The following ADHFE1 variants were observed in gnomAD, a reference collection of about 807,000 sequenced individuals.
ADHFE1 encodes the protein alcohol dehydrogenase iron containing 1.
In ADHFE1, 37 loss-of-function variants were observed where a neutral mutation model predicts 54.8. The observed-to-expected ratio is 0.68, with a 90% CI of 0.52 to 0.89. The LOEUF (loss-of-function observed/expected upper bound fraction) is 0.89. ADHFE1 is among the 40% of genes least tolerant of loss of function. The pLI, the probability that ADHFE1 is intolerant of heterozygous loss-of-function variation, is 0.00. For missense variants in ADHFE1, 601 were observed against 591.2 expected (o/e 1.02, Z -0.17); for synonymous variants, 203 against 229.3 (o/e 0.89, Z 1.04).
intron 13 of ADHFE1, among the ~76,000 whole-genome samples, chr8:66,462,653 G>A (rs753960922): frequency 3.9e-5 from 6 of 152,192 alleles, no homozygotes; most frequent in Admixed American, 1.3e-4. Context: ...GTTTAGCCCA[G>A]GAAAGTGTTC....
chr8:66,453,802 C>T (rs974645415), intron 9 of ADHFE1: 3 of 1,444,160 alleles, frequency 2.1e-6, no homozygotes, highest in Non-Finnish European at 2.8e-6. Flanking sequence ...AGCGCGTTGC[C>T]TCCCCCGGCG....
chr8:66,434,698 A>G (rs1431336295), intron 1 of ADHFE1, among the ~76,000 whole-genome samples: 2 of 152,208 alleles, frequency 1.3e-5, no homozygotes, highest in Non-Finnish European at 2.9e-5. Context: ...CATTCCATAG[A>G]GCAACTGCGC....
At chr8:66,436,327 T>A (rs1805465653) in intron 1 of ADHFE1, among the ~76,000 whole-genome samples, 1 of 152,180 alleles carries the variant, frequency 6.6e-6, no homozygotes, top group Admixed American at 6.5e-5. Flanking sequence ...CAGTGATTAC[T>A]CACTGAGAAG....
At position 66,445,265 on chromosome 8, in the gene ADHFE1, A is replaced by G. The variant is rs1247424521; in HGVS notation, c.401A>G (p.Tyr134Cys). Reference protein sequence around the residue: ...EFAQKGAFDAYVAVGGGSTMD... With the variant: ...EFAQKGAFDACVAVGGGSTMD... ...GCCCAAAAGGGAGCTTTTGATGCCTATGTTGCTGTCGGTGGTGGCTCTACC... is the reference window on the plus strand; with the variant it reads ...GCCCAAAAGGGAGCTTTTGATGCCTGTGTTGCTGTCGGTGGTGGCTCTACC... The change falls in exon 6 of 14, where the codon TAT becomes TGT. Residue 134 changes from tyrosine (Y) to cysteine (C), a missense_variant. Tyr to Cys is a radical substitution (Grantham distance 194). Coordinates refer to ENST00000396623, the MANE Select transcript of ADHFE1 (RefSeq NM_144650.3). 4.3e-6 allele frequency: 7 copies of G among 1,613,368 alleles called. No homozygotes were observed. The highest frequency in any genetic ancestry group is 5.1e-6 in the Non-Finnish European group (6 of 1,179,852).
chr8:66,456,718 C>G (rs990923442), intron 10 of ADHFE1, 99 bp from the exon 11 acceptor site: 3 of 851,626 alleles, frequency 3.5e-6, no homozygotes, highest in Non-Finnish European at 5.8e-6. Flanking sequence ...ATGATACTGT[C>G]TAGAGGCCGT....
At chr8:66,461,379 C>T (rs1355788486) in intron 13 of ADHFE1, among the ~76,000 whole-genome samples, 1 of 152,158 alleles carries the variant, frequency 6.6e-6, no homozygotes, top group Non-Finnish European at 1.5e-5. Context: ...GAAACATCCA[C>T]TCACACAGCA....
chr8:66,468,440 T>G lies in ADHFE1; in HGVS notation c.*88T>G. 8.9e-7 allele frequency: 1 copy of G among 1,120,986 alleles called. No homozygotes were observed. The highest frequency in any genetic ancestry group is 1.6e-5 in the African/African-American group (1 of 62,518). The allele number at this position is 1,120,986 out of a possible 1,614,324, so 69.4% of individuals were successfully genotyped here. On this transcript the variant is annotated 3_prime_UTR_variant, in exon 14 of 14. Transcript: ENST00000396623. Reference sequence around the variant, plus strand: ...AGCTAGGGCTTTGTCTTTTCATCTTTGCGCATAACTTACCTGTTACCAGTA... The same window carrying G: ...AGCTAGGGCTTTGTCTTTTCATCTTGGCGCATAACTTACCTGTTACCAGTA...
intron 9 of ADHFE1, 142 bp from the exon 10 acceptor site, chr8:66,453,917 C>T (rs1412963263): frequency 1.3e-6 from 2 of 1,519,382 alleles, no homozygotes; most frequent in Non-Finnish European, 1.8e-6. Flanking sequence ...GACAAGGCGT[C>T]GTTTGAATAA....
rs750640482 is a variant in ADHFE1 at position 66,447,287 on chromosome 8, A to C, written c.574A>C (p.Ser192Arg). 3 of 1,613,568 alleles carry C rather than the reference A, an allele frequency of 1.9e-6. No individual in the cohort carries two copies. Among genetic ancestry groups the C allele is most frequent in the Middle Eastern group, 1.7e-4 (1 of 6,060 alleles). Reference sequence around the variant, plus strand: ...AGTGCCAACTACCTCAGGAACCGGGAGTGAAACTACTGGGGTTGCCATTTT... The same window carrying C: ...AGTGCCAACTACCTCAGGAACCGGGCGTGAAACTACTGGGGTTGCCATTTT... The part of the protein sequence containing the change: ...IAVPTTSGTG[S>R]ETTGVAIFDY... Residue 192 changes from serine to arginine, a missense_variant, in exon 7 of 14, where the codon AGT (serine) becomes CGT (arginine). Coordinates refer to ENST00000396623, the MANE Select transcript of ADHFE1 (RefSeq NM_144650.3).
At position 66,439,329 on chromosome 8, in the gene ADHFE1, C is replaced by G. The variant is rs1805626342; in HGVS notation, c.60-833C>G. 1.0e-6 allele frequency: 1 copy of G among 985,416 alleles called. No homozygotes were observed. The highest frequency in any genetic ancestry group is 4.7e-5 in the South Asian group (1 of 21,276). 61.0% of individuals were successfully genotyped at this position (985,416 alleles called of 1,614,324 possible). On this transcript the variant is annotated intron_variant, in intron 1 of 13. Transcript: ENST00000396623. This position sits in a 1 kb window ranked among gnomAD's most constrained non-coding sequence, Gnocchi z 4.4. ...AGGTCTTCTGGGCAACCCAACGAAA[C>G]ATAAAACCGTCTTCCCAGCCTCGAT...
chr8:66,459,795 T>C (rs1806800443), intron 12 of ADHFE1, among the ~76,000 whole-genome samples: 1 of 152,184 alleles, frequency 6.6e-6, no homozygotes, highest in African/African-American at 2.4e-5. Flanking sequence ...TCACACATAA[T>C]CCATTTTTAT....
rs540464621 is a variant in ADHFE1 at position 66,443,264 on chromosome 8, A to ATTTTTTTTTTTTTTT, written c.144+438_144+452dup. ...GTCCCTGTCTCCTCCTAGTCCAGGA[A>ATTTTTTTTTTTTTTT]TTTTTTTTTTTTTTTTTTTTTTTTT... On this transcript the variant is annotated intron_variant, in intron 3 of 13. Transcript: ENST00000396623. 6.9e-4 allele frequency among the ~76,000 whole-genome samples: 59 copies of ATTTTTTTTTTTTTTT among 86,100 alleles called. 7 individuals are homozygous for ATTTTTTTTTTTTTTT. The highest frequency in any genetic ancestry group is 7.6e-4 in the Non-Finnish European group (31 of 40,904). 56.5% of individuals were successfully genotyped at this position (86,100 alleles called of 152,430 possible).
At chr8:66,433,012 G>A in intron 1 of ADHFE1, 1 of 631,600 alleles carries the variant, frequency 1.6e-6, no homozygotes, top group East Asian at 1.3e-4. Context: ...ATGGGATGAG[G>A]GGACGAGGCT....
At chr8:66,452,145 C>A (rs1447562814) in intron 9 of ADHFE1, 40 bp downstream of exon 9, 1 of 1,602,844 alleles carries the variant, frequency 6.2e-7, no homozygotes, top group East Asian at 2.2e-5. Flanking sequence ...AACAGGAGGC[C>A]CACATTCTGC....
In ADHFE1 at chr8:66,439,608, C is replaced by A; in HGVS notation, c.60-554C>A. 2 of 985,920 alleles carry A rather than the reference C, an allele frequency of 2.0e-6. No homozygotes were observed. Among genetic ancestry groups the A allele is most frequent in the Non-Finnish European group, 2.4e-6 (2 of 830,356 alleles). The allele number at this position is 985,920 out of a possible 1,614,324, so 61.1% of individuals were successfully genotyped here. A position where few individuals can be genotyped will look rare whatever the true frequency, so the allele number is the denominator to read the frequency against. On this transcript the variant is annotated intron_variant, in intron 1 of 13. Transcript: ENST00000396623. The surrounding 1 kb of genome is among the most constrained non-coding windows in gnomAD (Gnocchi z 4.4). ...ACGGAGGAGAGCTCGGAGCCCGGGG[C>A]TGCAACTGGGCAGAGAAAGATGGGG...
Position 66,439,969 on chromosome 8 carries a change from G to A in ADHFE1, c.60-193G>A, listed in dbSNP as rs570168656. 6.6e-6 allele frequency among the ~76,000 whole-genome samples: 1 copy of A among 152,280 alleles called. No individual in the cohort carries two copies. Among genetic ancestry groups the A allele is most frequent in the African/African-American group, 2.4e-5 (1 of 41,566 alleles). On this transcript the variant is annotated intron_variant, in intron 1 of 13. Transcript: ENST00000396623. This position sits in a 1 kb window ranked among gnomAD's most constrained non-coding sequence, Gnocchi z 4.4. ...AATGATGCTACAGCGCTGGGAAGAC[G>A]CTGAGTCAACTTTTTGTCCATCGTG...
intron 8 of ADHFE1, among the ~76,000 whole-genome samples, chr8:66,449,977 G>A (rs1010005874): frequency 3.3e-5 from 5 of 152,174 alleles, no homozygotes; most frequent in African/African-American, 1.2e-4. Context: ...TTACAAATTA[G>A]TCAAGCATGG....
chr8:66,451,732 G>A (rs893100419), intron 8 of ADHFE1, among the ~76,000 whole-genome samples: 5 of 152,122 alleles, frequency 3.3e-5, no homozygotes, highest in South Asian at 2.1e-4. Flanking sequence ...CAAAAATACT[G>A]TAATGCTGTT....
intron 1 of ADHFE1, among the ~76,000 whole-genome samples, chr8:66,436,253 A>T (rs62511183): frequency 0.13 from 19,202 of 152,116 alleles, 1,649 homozygotes; most frequent in African/African-American, 0.2. Flanking sequence ...TCCTCTTACT[A>T]TGTAGGGTAA....
Sources: gnomAD v4.1 joint callset for allele counts (sites outside exome capture counted in the v4.1 genomes callset) on GRCh38, gnomAD v4.1.1 for gene constraint, Gnocchi (gnomAD v3.1) non-coding constraint, MANE v1.5 for transcripts, NCBI Gene and HGNC (gene_info 2026-07-23, HGNC 2026-07-21) for gene names.